Variants in ANKHD1 observed in about 807,000 individuals in gnomAD.
The protein encoded by ANKHD1 is ankyrin repeat and KH domain-containing protein 1.
Under a neutral mutation model 230.5 loss-of-function variants are expected in ANKHD1, and 31 were observed. The ratio of observed to expected loss-of-function variants is 0.13; its 90% confidence interval spans 0.10 to 0.18. ANKHD1 has a LOEUF of 0.18. Among genes scored for constraint, ANKHD1 ranks in the 10% least tolerant of loss-of-function variants. The pLI is 1.00. For synonymous variants in ANKHD1, 1,074 were observed against 1,117.6 expected (o/e 0.96, Z 0.78); for missense variants, 2,256 against 3,071.3 (o/e 0.73, Z 6.27).
chr5:140,429,858 G>A (rs1006284893), intron 1 of ANKHD1, among the ~76,000 whole-genome samples: 10 of 152,132 alleles, frequency 6.6e-5, no homozygotes, highest in Non-Finnish European at 1.0e-4. Flanking sequence ...TAATGTGGAC[G>A]TGAGTTTTGG....
chr5:140,443,483 G>A (rs1421048445), intron 5 of ANKHD1, among the ~76,000 whole-genome samples: 14 of 151,760 alleles, frequency 9.2e-5, no homozygotes, highest in Admixed American at 9.2e-4. Flanking sequence ...GAGGTCAGGA[G>A]ATCGAGACTA....
At chr5:140,515,674 C>T (rs1038333241) in intron 24 of ANKHD1, among the ~76,000 whole-genome samples, 1 of 152,210 alleles carries the variant, frequency 6.6e-6, no homozygotes, top group East Asian at 1.9e-4. Context: ...GGGCACCCCC[C>T]AGCAGGGTCA....
chr5:140,419,798 C>CTT (rs1771755798), intron 1 of ANKHD1, among the ~76,000 whole-genome samples: 1 of 84,584 alleles, frequency 1.2e-5, no homozygotes, highest in Non-Finnish European at 2.8e-5. Context: ...TTCTTTCTTT[C>CTT]TTTCTTTCTT....
chr5:140,525,624 C>T (rs1283988645), intron 25 of ANKHD1, among the ~76,000 whole-genome samples: 1 of 152,068 alleles, frequency 6.6e-6, no homozygotes, highest in East Asian at 1.9e-4. Context: ...TAATCCCGCA[C>T]TTTGGGAGGC....
chr5:140,531,022 C>G (rs555454123), intron 29 of ANKHD1, among the ~76,000 whole-genome samples: 1 of 152,278 alleles, frequency 6.6e-6, no homozygotes, highest in Non-Finnish European at 1.5e-5. Context: ...CCAAAATATT[C>G]TCTAAATTTT....
chr5:140,486,720 G>A (rs1751519056), intron 13 of ANKHD1: 1 of 302,782 alleles, frequency 3.3e-6, no homozygotes, highest in Non-Finnish European at 6.2e-6. Flanking sequence ...ATTCAGCAAG[G>A]GAGTAATGTT....
At chr5:140,444,080 C>A (rs1174692097) in intron 5 of ANKHD1, among the ~76,000 whole-genome samples, 110 of 31,902 alleles carry the variant, frequency 3.4e-3, no homozygotes, top group Non-Finnish European at 7.0e-3. Context: ...GAGATGAAGT[C>A]CCCCCCCCCC....
intron 29 of ANKHD1, 128 bp downstream of exon 29, chr5:140,529,924 G>C: frequency 7.3e-7 from 1 of 1,375,836 alleles, no homozygotes; most frequent in South Asian, 1.5e-5. Flanking sequence ...TTCTCTCTAT[G>C]ATTTTTCTGT....
At chr5:140,471,810 T>A (rs1776514286) in intron 10 of ANKHD1, among the ~76,000 whole-genome samples, 1 of 152,174 alleles carries the variant, frequency 6.6e-6, no homozygotes, top group Admixed American at 6.6e-5. Context: ...TTAAGTACAT[T>A]TATAATGAGG....
At chr5:140,440,617 A>T (rs1331757528) in intron 4 of ANKHD1, among the ~76,000 whole-genome samples, 1 of 152,030 alleles carries the variant, frequency 6.6e-6, no homozygotes, top group Non-Finnish European at 1.5e-5. Context: ...AATTCTTTTA[A>T]TTTTTTTCCT....
At chr5:140,521,360 TGTG>T (rs1484385569) in intron 24 of ANKHD1, among the ~76,000 whole-genome samples, 2 of 152,156 alleles carry the variant, frequency 1.3e-5, no homozygotes, top group Non-Finnish European at 2.9e-5. Flanking sequence ...GCTGGGCATG[TGTG>T]GTGGCTCATG....
chr5:140,438,268 G>A (rs1177103765), intron 2 of ANKHD1, among the ~76,000 whole-genome samples, 193 bp from the exon 3 acceptor site: 1 of 152,162 alleles, frequency 6.6e-6, no homozygotes, highest in Non-Finnish European at 1.5e-5. Flanking sequence ...AAACATAGGT[G>A]GTTATGCCAT....
chr5:140,457,460 T>C (rs996458651), intron 7 of ANKHD1, among the ~76,000 whole-genome samples: 14 of 152,122 alleles, frequency 9.2e-5, no homozygotes, highest in African/African-American at 3.4e-4. Context: ...AAGCCAAATG[T>C]CCATCAATGA....
At position 140,527,141 on chromosome 5, in the gene ANKHD1, C is replaced by T; in HGVS notation, c.5087+67C>T. The T allele has an allele frequency of 1.4e-6, 2 of 1,480,730 alleles. No homozygotes were observed. Among genetic ancestry groups the T allele is most frequent in the South Asian group, 1.4e-5 (1 of 69,630 alleles). 91.7% of individuals were successfully genotyped at this position (1,480,730 alleles called of 1,614,324 possible). ...TCCCTTTCTCATGTGAGATGGCTAC[C>T]TAGTTAATTAATGAATAATTTGAAT... On this transcript the variant is annotated intron_variant, in intron 27 of 33. Coordinates refer to ENST00000360839, the MANE Select transcript of ANKHD1 (RefSeq NM_017747.3). The surrounding 1 kb of genome is among the most constrained non-coding windows in gnomAD (Gnocchi z 4.5).
rs139333798 is a variant in ANKHD1, at chr5:140,537,771, G to A, written c.7228+182G>A. 412 of 1,050,452 alleles carry A rather than the reference G, an allele frequency of 3.9e-4. 2 individuals carry two copies. The Middle Eastern group carries it at 8.1e-3, about 21-fold the overall frequency. 65.1% of individuals were successfully genotyped at this position (1,050,452 alleles called of 1,614,324 possible). The stretch of plus-strand genomic sequence containing the variant: ...TCCAATTTCAGAGTCTGGAATATTG[G>A]TTGAGGTAATACATAGAGTTAATCA... On this transcript the variant is annotated intron_variant, in intron 31 of 33. Transcript: ENST00000360839.
At chr5:140,428,391 C>G (rs1433824880) in intron 1 of ANKHD1, among the ~76,000 whole-genome samples, 2 of 152,174 alleles carry the variant, frequency 1.3e-5, no homozygotes, top group Non-Finnish European at 2.9e-5. Context: ...CCCGGCACCT[C>G]GGGAGGCCGA....
At chr5:140,499,677 C>T (rs1752191383) in intron 15 of ANKHD1, among the ~76,000 whole-genome samples, 1 of 152,114 alleles carries the variant, frequency 6.6e-6, no homozygotes, top group African/African-American at 2.4e-5. Context: ...TAGTTCCAAA[C>T]AGACTATATA....
chr5:140,492,776 G>GT (rs1347771991), intron 14 of ANKHD1, among the ~76,000 whole-genome samples: 6 of 152,036 alleles, frequency 3.9e-5, no homozygotes, highest in East Asian at 1.9e-4. Context: ...TGTATATCAT[G>GT]TTTTTTTCCC....
Position 140,510,192 on chromosome 5 carries a change from A to G in ANKHD1, c.4104+11A>G, listed in dbSNP as rs1368933346. 1 of 1,588,786 alleles carries G rather than the reference A, an allele frequency of 6.3e-7. No individual in the cohort carries two copies. The highest frequency in any genetic ancestry group is 8.6e-7 in the Non-Finnish European group (1 of 1,163,038). ...TCAGCATTTCGCAAGGTAATTTGAT[A>G]TGGGGGAAGAAAGGTCAATTTTAAG... On this transcript the variant is annotated intron_variant, in intron 22 of 33. Coordinates refer to ENST00000360839, the MANE Select transcript of ANKHD1 (RefSeq NM_017747.3).
Sources: gnomAD v4.1 joint callset for allele counts (sites outside exome capture counted in the v4.1 genomes callset) on GRCh38, gnomAD v4.1.1 for gene constraint, Gnocchi (gnomAD v3.1) non-coding constraint, MANE v1.5 for transcripts, NCBI Gene and HGNC (gene_info 2026-07-23, HGNC 2026-07-21) for gene names.